The following SHISA9 variants were observed in gnomAD, a reference collection of about 807,000 sequenced individuals.
SHISA9 encodes protein shisa-9.
Under a neutral mutation model 38.0 loss-of-function variants are expected in SHISA9, and 13 were observed. That is an observed-to-expected ratio of 0.34 (90% CI 0.22 to 0.54). SHISA9 has a LOEUF of 0.54. Among genes scored for constraint, SHISA9 ranks in the 20% least tolerant of loss-of-function variants. SHISA9 has a pLI of 0.91. For synonymous variants in SHISA9, 275 were observed against 242.0 expected (o/e 1.14, Z -1.27); for missense variants, 538 against 575.8 (o/e 0.93, Z 0.67).
rs148088145 is a variant in SHISA9, at chr16:13,200,409, AAC to A, written c.692-2953_692-2952del. ...CTATCCACCAAAAAATATATCATGA[AAC>A]ACACACACACACACACACACACACA... is the stretch of plus-strand genomic sequence containing the variant. On this transcript the variant is annotated intron_variant, in intron 2 of 4. Coordinates refer to ENST00000558583, the MANE Select transcript of SHISA9 (RefSeq NM_001145204.3). Among the ~76,000 whole-genome samples the A allele has an allele frequency of 2.8e-3, 379 of 136,444 alleles. 2 individuals are homozygous for A. Among genetic ancestry groups the A allele is most frequent in the East Asian group, 0.014 (64 of 4,712 alleles). 89.5% of individuals were successfully genotyped at this position (136,444 alleles called of 152,430 possible).
chr16:13,016,041 A>G (rs1414354458), intron 2 of SHISA9, among the ~76,000 whole-genome samples: 1 of 105,990 alleles, frequency 9.4e-6, no homozygotes, highest in Non-Finnish European at 1.9e-5. Context: ...AGGCTGGAGT[A>G]CAGTGGCATG....
At chr16:13,345,809 A>C in the SHISA9 span, among the ~76,000 whole-genome samples, 2 of 152,094 alleles carry the variant, frequency 1.3e-5, no homozygotes, top group South Asian at 4.1e-4. Context: ...GTTGTTAGAT[A>C]ATATCTCATT....
intron 2 of SHISA9, among the ~76,000 whole-genome samples, chr16:13,011,705 T>C (rs2072678151): frequency 6.6e-6 from 1 of 152,128 alleles, no homozygotes; most frequent in Admixed American, 6.5e-5. Flanking sequence ...GTATTTTTAG[T>C]GGAGACAGGG....
At chr16:13,074,927 G>A (rs1567203534) in intron 2 of SHISA9, among the ~76,000 whole-genome samples, 1 of 152,022 alleles carries the variant, frequency 6.6e-6, no homozygotes, top group Admixed American at 6.5e-5. Flanking sequence ...GCCTCCCAAA[G>A]TGCTGGGATT....
At chr16:13,541,895 G>C in the SHISA9 span, among the ~76,000 whole-genome samples, 1 of 152,238 alleles carries the variant, frequency 6.6e-6, no homozygotes, top group Non-Finnish European at 1.5e-5. Flanking sequence ...GGTATACTGG[G>C]TCGAATGCTG....
chr16:13,012,869 C>T (rs773829471), intron 2 of SHISA9, among the ~76,000 whole-genome samples: 1 of 152,256 alleles, frequency 6.6e-6, no homozygotes, highest in Non-Finnish European at 1.5e-5. Flanking sequence ...GGAGGAGAGA[C>T]AACTTTCAAA....
chr16:13,058,609 T>G (rs1356963149), intron 2 of SHISA9, among the ~76,000 whole-genome samples: 2 of 152,202 alleles, frequency 1.3e-5, no homozygotes, highest in African/African-American at 4.8e-5. Flanking sequence ...GCCACAAAAG[T>G]TCTCTTCTAG....
chr16:13,462,733 G>A, the SHISA9 span, among the ~76,000 whole-genome samples: 64 of 151,756 alleles, frequency 4.2e-4, no homozygotes, highest in Admixed American at 1.5e-3. Flanking sequence ...AGGCCGAGGC[G>A]GGGGGATCAC....
intron 2 of SHISA9, among the ~76,000 whole-genome samples, chr16:12,983,217 A>G (rs979114512): frequency 6.6e-6 from 1 of 152,152 alleles, no homozygotes; most frequent in African/African-American, 2.4e-5. Context: ...GCTGAGACAG[A>G]GCTTATGTGG....
At chr16:13,182,312 C>T (rs1292159172) in intron 2 of SHISA9, among the ~76,000 whole-genome samples, 1 of 152,160 alleles carries the variant, frequency 6.6e-6, no homozygotes, top group Non-Finnish European at 1.5e-5. Context: ...GCCAAAAACT[C>T]CAAGCCTGGA....
chr16:13,488,164 G>A, the SHISA9 span, among the ~76,000 whole-genome samples: 1 of 151,160 alleles, frequency 6.6e-6, no homozygotes, highest in Admixed American at 6.6e-5. Context: ...TTCCACCTGA[G>A]CCCCTAATGG....
downstream of SHISA9, among the ~76,000 whole-genome samples, chr16:13,241,406 T>A (rs1409550921): frequency 1.3e-5 from 2 of 152,102 alleles, no homozygotes; most frequent in Non-Finnish European, 2.9e-5. Flanking sequence ...CTCAGGAGGC[T>A]GAGGCAGGAG....
intron 2 of SHISA9, among the ~76,000 whole-genome samples, chr16:12,951,483 G>A (rs1423905654): frequency 6.6e-6 from 1 of 152,034 alleles, no homozygotes; most frequent in African/African-American, 2.4e-5. Flanking sequence ...ATACAAATAG[G>A]CATGGCTGTG....
At chr16:13,326,511 A>C in the SHISA9 span, among the ~76,000 whole-genome samples, 3 of 152,192 alleles carry the variant, frequency 2.0e-5, no homozygotes, top group Admixed American at 2.0e-4. Flanking sequence ...ACTTGAGGCC[A>C]GGAGTTCGAG....
chr16:13,121,041 T>C (rs2050204936), intron 2 of SHISA9, among the ~76,000 whole-genome samples: 1 of 152,010 alleles, frequency 6.6e-6, no homozygotes, highest in Admixed American at 6.6e-5. Context: ...TCATAGGCGA[T>C]TAAAATAACC....
At chr16:13,509,546 A>G in the SHISA9 span, among the ~76,000 whole-genome samples, 94 of 152,366 alleles carry the variant, frequency 6.2e-4, 1 homozygote, top group African/African-American at 2.0e-3. Flanking sequence ...TGGAGCCCAC[A>G]TAAAGTAATA....
the SHISA9 span, among the ~76,000 whole-genome samples, chr16:13,291,661 G>A: frequency 6.6e-6 from 1 of 152,156 alleles, no homozygotes; most frequent in African/African-American, 2.4e-5. Context: ...TGATATTTGA[G>A]TTACTTATTT....
At chr16:13,395,263 A>C in the SHISA9 span, among the ~76,000 whole-genome samples, 1 of 152,198 alleles carries the variant, frequency 6.6e-6, no homozygotes, top group Non-Finnish European at 1.5e-5. Flanking sequence ...CAACAGCTCA[A>C]ATGAACTTCA....
chr16:13,197,104 T>TATACAC (rs748572860), intron 2 of SHISA9, among the ~76,000 whole-genome samples: 3 of 106,492 alleles, frequency 2.8e-5, no homozygotes, highest in African/African-American at 1.3e-4. Context: ...TCTCTGTACA[T>TATACAC]ACACACACAC....
Sources: allele counts gnomAD v4.1 joint callset (sites outside exome capture counted in the v4.1 genomes callset), GRCh38; gene constraint gnomAD v4.1.1; transcripts MANE v1.5; gene names NCBI Gene and HGNC (gene_info 2026-07-23, HGNC 2026-07-21).